The following HUNK variants were observed in gnomAD, a reference collection of about 807,000 sequenced individuals.
HUNK encodes the protein hormonally up-regulated neu tumor-associated kinase.
Under a neutral mutation model 61.0 loss-of-function variants are expected in HUNK, and 21 were observed. The ratio of observed to expected loss-of-function variants is 0.34; its 90% CI spans 0.24 to 0.50. HUNK has a LOEUF of 0.50. Among genes scored for constraint, HUNK ranks in the 20% least tolerant of loss-of-function variants. HUNK has a pLI of 0.98. For missense variants in HUNK, 772 were observed against 945.7 expected (o/e 0.82, Z 2.41); for synonymous variants, 371 against 386.1 (o/e 0.96, Z 0.46).
intron 1 of HUNK, among the ~76,000 whole-genome samples, chr21:31,876,995 A>T (rs756082310): frequency 6.6e-6 from 1 of 152,078 alleles, no homozygotes; most frequent in Non-Finnish European, 1.5e-5. Flanking sequence ...GAATGAAGTC[A>T]TTAATACTGT....
chr21:31,942,189 G>A (rs928524772), intron 3 of HUNK, among the ~76,000 whole-genome samples: 1 of 152,260 alleles, frequency 6.6e-6, no homozygotes, highest in African/African-American at 2.4e-5. Context: ...CAGCCTGGGC[G>A]ACAGAGCGAG....
chr21:31,957,372 C>G (rs979057071), intron 4 of HUNK, among the ~76,000 whole-genome samples: 3 of 152,208 alleles, frequency 2.0e-5, no homozygotes, highest in Non-Finnish European at 4.4e-5. Context: ...GAACTAACTC[C>G]ACTGTGAGTG....
chr21:31,985,668 G>A (rs977052226), intron 8 of HUNK, among the ~76,000 whole-genome samples: 5 of 152,206 alleles, frequency 3.3e-5, no homozygotes, highest in Non-Finnish European at 5.9e-5. Context: ...AGTGGGGCCC[G>A]TGGGAACAGA....
At chr21:31,922,236 C>T (rs570487535) in intron 1 of HUNK, among the ~76,000 whole-genome samples, 2 of 149,322 alleles carry the variant, frequency 1.3e-5, no homozygotes, top group East Asian at 2.0e-4. Flanking sequence ...AGACTGGTCT[C>T]GAACCCCTGA....
At position 31,873,598 on chromosome 21, in the gene HUNK, G is replaced by C; in HGVS notation, c.-77G>C. The C allele has an allele frequency of 1.0e-6, 1 of 975,844 alleles. No homozygotes were observed. The highest frequency in any genetic ancestry group is 1.8e-5 in the African/African-American group (1 of 56,970). The allele number at this position is 975,844 out of a possible 1,614,324, so 60.4% of individuals were successfully genotyped here. On this transcript the variant is annotated 5_prime_UTR_variant, in exon 1 of 11. Coordinates refer to ENST00000270112, the MANE Select transcript of HUNK (RefSeq NM_014586.2). The surrounding 1 kb of genome is among the most constrained non-coding windows in gnomAD (Gnocchi z 6.1). ...CCAGGGCGGCGGCGGGAGAAGCCGG[G>C]GAAGCCGAAGAGCCTGGGGAGGAGG...
chr21:31,968,785 T>C (rs1429095953), intron 6 of HUNK, among the ~76,000 whole-genome samples: 1 of 148,480 alleles, frequency 6.7e-6, no homozygotes, highest in African/African-American at 2.5e-5. Context: ...TATGTCTGCT[T>C]GGGTCTCCAT....
intron 1 of HUNK, among the ~76,000 whole-genome samples, chr21:31,885,883 C>T (rs951176665): frequency 1.1e-4 from 16 of 152,208 alleles, no homozygotes; most frequent in African/African-American, 1.7e-4. Flanking sequence ...GACAGGCACG[C>T]GCCACCATAC....
At chr21:31,905,845 C>T (rs1312532767) in intron 1 of HUNK, among the ~76,000 whole-genome samples, 1 of 152,180 alleles carries the variant, frequency 6.6e-6, no homozygotes, top group Non-Finnish European at 1.5e-5. Context: ...AGGAAGGAAG[C>T]CTCGTGTTCT....
intron 1 of HUNK, among the ~76,000 whole-genome samples, chr21:31,903,332 A>G (rs2052481864): frequency 6.6e-6 from 1 of 152,152 alleles, no homozygotes; most frequent in Admixed American, 6.6e-5. Context: ...TCTGCTCTCT[A>G]GAAATAATTC....
Position 31,939,039 on chromosome 21 carries a change from T to TA in HUNK, c.555-1125dup, listed in dbSNP as rs1214606245. 3.3e-5 allele frequency among the ~76,000 whole-genome samples: 5 copies of TA among 152,292 alleles called. No individual in the cohort carries two copies. The East Asian group carries it at 9.7e-4, about 29-fold the overall frequency. On this transcript the variant is annotated intron_variant, in intron 2 of 10. Coordinates refer to ENST00000270112, the MANE Select transcript of HUNK (RefSeq NM_014586.2). Reference sequence around the variant, plus strand: ...CAGGGTAGACATGTTTCCTGCCTTCTAGGAGCTTACAGTCGCAGGCGCAGA... The same window carrying TA: ...CAGGGTAGACATGTTTCCTGCCTTCTAAGGAGCTTACAGTCGCAGGCGCAGA...
At chr21:31,968,693 C>A (rs1441806814) in intron 6 of HUNK, among the ~76,000 whole-genome samples, 1 of 150,174 alleles carries the variant, frequency 6.7e-6, no homozygotes, top group African/African-American at 2.5e-5. Flanking sequence ...ACAGAGGGAC[C>A]TTTGAGACTA....
chr21:31,911,178 C>T (rs1015083522), intron 1 of HUNK, among the ~76,000 whole-genome samples: 3 of 152,132 alleles, frequency 2.0e-5, no homozygotes, highest in Non-Finnish European at 2.9e-5. Flanking sequence ...CGCCTGTGTG[C>T]GGGGGCTGTT....
At chr21:31,931,831 A>C (rs1281986306) in intron 2 of HUNK, among the ~76,000 whole-genome samples, 1 of 152,032 alleles carries the variant, frequency 6.6e-6, no homozygotes, top group African/African-American at 2.4e-5. Flanking sequence ...TGGGCTGGGC[A>C]TGGTCTGTGG....
intron 1 of HUNK, among the ~76,000 whole-genome samples, chr21:31,907,227 T>C (rs1568921990): frequency 6.6e-6 from 1 of 152,116 alleles, no homozygotes; most frequent in Non-Finnish European, 1.5e-5. Context: ...TGTGCTCCAA[T>C]TGTAAAACAC....
At chr21:31,922,369 C>T (rs1013353866) in intron 1 of HUNK, among the ~76,000 whole-genome samples, 1 of 150,070 alleles carries the variant, frequency 6.7e-6, no homozygotes, top group Non-Finnish European at 1.5e-5. Flanking sequence ...TCTTGTTGCC[C>T]AGTCTGGAGT....
chr21:31,998,474 G>T, intron 10 of HUNK, 52 bp from the exon 11 acceptor site: 1 of 1,469,062 alleles, frequency 6.8e-7, no homozygotes, highest in African/African-American at 1.4e-5. Flanking sequence ...GAGAAGGGCC[G>T]TGAGCACTGT....
intron 5 of HUNK, among the ~76,000 whole-genome samples, chr21:31,965,371 T>A (rs1601401512): frequency 6.7e-6 from 1 of 149,874 alleles, no homozygotes; most frequent in South Asian, 2.1e-4. Flanking sequence ...AGTACCTGGG[T>A]GATGAAATAA....
intron 1 of HUNK, among the ~76,000 whole-genome samples, chr21:31,912,837 C>T (rs2833555): frequency 0.092 from 14,016 of 152,158 alleles, 804 homozygotes; most frequent in Middle Eastern, 0.16. Flanking sequence ...GCATCACGAT[C>T]GCACACAAGC....
chr21:31,985,081 A>C (rs999553394), intron 8 of HUNK, among the ~76,000 whole-genome samples: 13 of 151,796 alleles, frequency 8.6e-5, no homozygotes, highest in African/African-American at 2.7e-4. Flanking sequence ...TATGGGGGAA[A>C]CCTCTCTCAT....
Sources: gnomAD v4.1 joint callset for allele counts (sites outside exome capture counted in the v4.1 genomes callset) on GRCh38, gnomAD v4.1.1 for gene constraint, Gnocchi (gnomAD v3.1) non-coding constraint, MANE v1.5 for transcripts, NCBI Gene and HGNC (gene_info 2026-07-23, HGNC 2026-07-21) for gene names.